The following BDNF variants were observed in gnomAD, a reference collection of about 807,000 sequenced individuals.
BDNF encodes brain derived neurotrophic factor.
A neutral mutation model predicts 19.5 loss-of-function variants in BDNF; 1 was observed. That is an observed-to-expected ratio of 0.05 (90% CI 0.02 to 0.24). The LOEUF (loss-of-function observed/expected upper bound fraction) is 0.24. BDNF is among the 10% of genes least tolerant of loss of function. BDNF has a pLI of 1.00. For synonymous variants in BDNF, 100 were observed against 121.6 expected (o/e 0.82, Z 1.17); for missense variants, 195 against 317.6 (o/e 0.61, Z 2.93).
At chr11:27,699,340 C>T (rs1859606622) in intron 1 of BDNF, 2 of 1,612,726 alleles carry the variant, frequency 1.2e-6, no homozygotes, top group African/African-American at 1.3e-5. Flanking sequence ...GGCACAGAGC[C>T]CCCAATCCTC....
At position 27,657,034 on chromosome 11, in the gene BDNF, A is replaced by G; in HGVS notation, c.*787T>C. 1.0e-6 allele frequency: 1 copy of G among 985,478 alleles called. No homozygotes were observed. Among genetic ancestry groups the G allele is most frequent in the African/African-American group, 1.7e-5 (1 of 57,358 alleles). 61.0% of individuals were successfully genotyped at this position (985,478 alleles called of 1,614,324 possible). On this transcript the variant is annotated 3_prime_UTR_variant, in exon 2 of 2. Coordinates refer to ENST00000356660, the MANE Select transcript of BDNF (RefSeq NM_001709.5). This position sits in a 1 kb window ranked among gnomAD's most constrained non-coding sequence, Gnocchi z 5.0. ...GCTTACTCTGACCAACGCCCAAAGAATGAGCGGGGCCTGGGAGGTGCATCA... is the reference window on the plus strand; with the variant it reads ...GCTTACTCTGACCAACGCCCAAAGAGTGAGCGGGGCCTGGGAGGTGCATCA...
At chr11:27,710,664 A>G (rs1204179202) in intron 1 of BDNF, among the ~76,000 whole-genome samples, 1 of 152,184 alleles carries the variant, frequency 6.6e-6, no homozygotes, top group Non-Finnish European at 1.5e-5. Flanking sequence ...TGTAAACAAC[A>G]TGTTAGCTTT....
rs886064222 is a variant in BDNF at position 27,666,006 on chromosome 11, G to T, written c.-21-7421C>A. Among the ~76,000 whole-genome samples the T allele has an allele frequency of 2.0e-5, 3 of 152,306 alleles. No homozygotes were observed. In the East Asian group the frequency reaches 5.8e-4, roughly 29 times the overall value. On this transcript the variant is annotated intron_variant, in intron 1 of 1. Transcript: ENST00000356660. ...CCTGACCCCTGAGTAGCCTAACTGG[G>T]AGGCACCTCCCAGTAGGGGCCGACT... is the stretch of plus-strand genomic sequence containing the variant.
At chr11:27,686,307 G>A (rs576894280) in intron 1 of BDNF, among the ~76,000 whole-genome samples, 2 of 152,182 alleles carry the variant, frequency 1.3e-5, no homozygotes, top group East Asian at 3.9e-4. Flanking sequence ...TGTGAGATGG[G>A]TCTCCAGAAC....
chr11:27,699,736 G>T, intron 1 of BDNF: 2 of 1,342,052 alleles, frequency 1.5e-6, no homozygotes, highest in Non-Finnish European at 1.9e-6. Flanking sequence ...AAGTCGGCGC[G>T]GGGACCACCC....
chr11:27,709,217 A>G (rs1860232404), intron 1 of BDNF, among the ~76,000 whole-genome samples: 1 of 152,180 alleles, frequency 6.6e-6, no homozygotes, highest in Non-Finnish European at 1.5e-5. Context: ...AGTGAAAAGA[A>G]TTTTGTCGCT....
chr11:27,656,218 A>C lies in BDNF; in HGVS notation c.*1603T>G, dbSNP rs1852527679. Reference sequence around the variant, plus strand: ...CCTCAAGTCTAGTTTCAAAGCAATAAGTGTTCAGGTAGCAAACATCTTCTA... The same window carrying C: ...CCTCAAGTCTAGTTTCAAAGCAATACGTGTTCAGGTAGCAAACATCTTCTA... On this transcript the variant is annotated 3_prime_UTR_variant, in exon 2 of 2. Coordinates refer to ENST00000356660, the MANE Select transcript of BDNF (RefSeq NM_001709.5). 1 of 152,160 alleles carries C rather than the reference A, an allele frequency of 6.6e-6. No individual in the cohort carries two copies. Among genetic ancestry groups the C allele is most frequent in the Admixed American group, 6.5e-5 (1 of 15,284 alleles). 9.4% of individuals were successfully genotyped at this position (152,160 alleles called of 1,614,324 possible).
At chr11:27,700,519 C>G (rs1360055160), upstream of BDNF, 22 of 759,770 alleles carry the variant, frequency 2.9e-5, no homozygotes, top group East Asian at 5.8e-3. Context: ...CAAACGGCGC[C>G]GCCCCCCCCC....
rs746631679 is a variant in BDNF, at chr11:27,658,306, C to G, written c.259G>C (p.Ala87Pro). Residue 87 changes from alanine (A) to proline (P), a missense_variant, in exon 2 of 2, where the codon GCA (alanine) becomes CCA (proline). By Grantham distance (27) the Ala-to-Pro change is conservative. Transcript: ENST00000356660. This position sits in a 1 kb window ranked among gnomAD's most constrained non-coding sequence, Gnocchi z 5.7. The part of the protein sequence containing the change: ...VRPNEENNKD[A>P]DLYTSRVMLS... ...ATCACCCTGGACGTGTACAAGTCTGCGTCCTTATTGTTTTCTTCATTGGGC... is the reference window on the plus strand; with the variant it reads ...ATCACCCTGGACGTGTACAAGTCTGGGTCCTTATTGTTTTCTTCATTGGGC... 5.1e-5 allele frequency: 82 copies of G among 1,613,990 alleles called. No individual in the cohort carries two copies. Among genetic ancestry groups the G allele is most frequent in the Non-Finnish European group, 6.6e-5 (78 of 1,180,026 alleles).
At chr11:27,701,041 G>A (rs1859869377), upstream of BDNF, 1 of 1,357,266 alleles carries the variant, frequency 7.4e-7, no homozygotes, top group South Asian at 1.2e-5. Context: ...GAGCATGGGG[G>A]CTATTGGTTT....
At chr11:27,712,389 CTTAT>C (rs1391698729) in intron 1 of BDNF, among the ~76,000 whole-genome samples, 7 of 152,214 alleles carry the variant, frequency 4.6e-5, no homozygotes, top group East Asian at 1.9e-4. Context: ...GCTGTTAGAT[CTTAT>C]TTAATGTATT....
chr11:27,702,451 A>G (rs1859948275), upstream of BDNF, among the ~76,000 whole-genome samples: 1 of 152,116 alleles, frequency 6.6e-6, no homozygotes, highest in Non-Finnish European at 1.5e-5. Flanking sequence ...CCAAGCCCAC[A>G]CCCAAATTCT....
rs188468714 is a variant in BDNF, at chr11:27,667,495, C to T, written c.-21-8910G>A. 6.6e-5 allele frequency among the ~76,000 whole-genome samples: 10 copies of T among 152,184 alleles called. No homozygotes were observed. In the East Asian group the frequency reaches 1.9e-3, roughly 29 times the overall value. ...GGCAAATTGGATAAAGAGTCAAGACCCATCAGTGTGCTGTATTCAGCAGAC... is the reference window on the plus strand; with the variant it reads ...GGCAAATTGGATAAAGAGTCAAGACTCATCAGTGTGCTGTATTCAGCAGAC... On this transcript the variant is annotated intron_variant, in intron 1 of 1. Coordinates refer to ENST00000356660, the MANE Select transcript of BDNF (RefSeq NM_001709.5).
At chr11:27,666,103 G>A (rs752055591) in intron 1 of BDNF, among the ~76,000 whole-genome samples, 4 of 152,264 alleles carry the variant, frequency 2.6e-5, no homozygotes, top group East Asian at 1.9e-4. Context: ...AACATTTGCC[G>A]TTCTGCAATA....
chr11:27,709,835 T>C (rs1860258402), intron 1 of BDNF, among the ~76,000 whole-genome samples: 1 of 152,214 alleles, frequency 6.6e-6, no homozygotes, highest in Non-Finnish European at 1.5e-5. Flanking sequence ...TGGCAACACA[T>C]TCAGACCTTA....
intron 1 of BDNF, among the ~76,000 whole-genome samples, chr11:27,689,741 T>C (rs55678719): frequency 1.5e-3 from 235 of 152,348 alleles, no homozygotes; most frequent in African/African-American, 5.6e-3. Context: ...GGGATACATG[T>C]GCAGAATGTG....
At chr11:27,720,547 T>C in intron 1 of BDNF, 1 of 982,954 alleles carries the variant, frequency 1.0e-6, no homozygotes, top group Non-Finnish European at 1.2e-6. Context: ...AATCTGACTC[T>C]CTCTCCAGCC....
intron 1 of BDNF, among the ~76,000 whole-genome samples, chr11:27,660,771 CAAAAAAA>C (rs546450288): frequency 1.0e-5 from 1 of 96,054 alleles, no homozygotes; most frequent in African/African-American, 3.6e-5. Context: ...AACTCCATCT[CAAAAAAA>C]AAAAAAAAAG....
intron 1 of BDNF, among the ~76,000 whole-genome samples, chr11:27,716,554 G>C (rs1860523313): frequency 6.6e-6 from 1 of 151,988 alleles, no homozygotes; most frequent in Non-Finnish European, 1.5e-5. Context: ...TGAGGTAGCA[G>C]TTGTAAAATT....
Sources: gnomAD v4.1 joint callset for allele counts (sites outside exome capture counted in the v4.1 genomes callset) on GRCh38, gnomAD v4.1.1 for gene constraint, Gnocchi (gnomAD v3.1) non-coding constraint, MANE v1.5 for transcripts, NCBI Gene and HGNC (gene_info 2026-07-23, HGNC 2026-07-21) for gene names.